Variants in TULP2 observed in about 807,000 individuals in gnomAD.
TULP2 encodes the protein TUB like protein 2, also known as tubby-related protein 2.
A neutral mutation model predicts 60.3 loss-of-function variants in TULP2; 64 were observed. That is an observed-to-expected ratio of 1.06 (90% CI 0.87 to 1.31). The LOEUF (loss-of-function observed/expected upper bound fraction) is 1.31. Ranked by LOEUF, TULP2 falls within the 50% of genes most tolerant of loss-of-function variation. The pLI is 0.00. For synonymous variants in TULP2, 267 were observed against 265.4 expected (o/e 1.01, Z -0.06); for missense variants, 652 against 667.0 (o/e 0.98, Z 0.25).
At chr19:48,884,904 C>A (rs2037165718) in intron 9 of TULP2, among the ~76,000 whole-genome samples, 1 of 143,100 alleles carries the variant, frequency 7.0e-6, no homozygotes, top group Admixed American at 7.0e-5. Flanking sequence ...CCTTTAGGAA[C>A]CCTCTTTTTT....
rs1267986965 is a variant in TULP2 at position 48,882,158 on chromosome 19, C to T, written c.1321G>A (p.Gly441Arg). ...GTTTTGTTGTGCAACAAAAGCAACC[C>T]TTGTTTGTCCCCACGTTGGTAACGA... is the stretch of plus-strand genomic sequence containing the variant. ...LSRYQRGDKQ[G>R]LLLLHNKTPS... Residue 441 changes from glycine (G) to arginine (R), a missense_variant, in exon 12 of 13, where the codon GGG becomes AGG. Transcript: ENST00000221399. 2 of 1,613,898 alleles carry T rather than the reference C, an allele frequency of 1.2e-6. No homozygotes were observed. Among genetic ancestry groups the T allele is most frequent in the East Asian group, 2.2e-5 (1 of 44,896 alleles).
chr19:48,891,292 C>T (rs1005661103), intron 6 of TULP2, among the ~76,000 whole-genome samples: 3 of 147,442 alleles, frequency 2.0e-5, no homozygotes, highest in Non-Finnish European at 4.5e-5. Context: ...CCACTGCACT[C>T]CAGCCTGGGC....
At chr19:48,894,527 G>C (rs1184726789) in intron 6 of TULP2, among the ~76,000 whole-genome samples, 1 of 152,048 alleles carries the variant, frequency 6.6e-6, no homozygotes, top group Non-Finnish European at 1.5e-5. Context: ...TGTAGTCCCA[G>C]CTACTTGGGA....
Position 48,883,953 on chromosome 19 carries a change from C to T in TULP2, c.1155G>A (p.Gln385=). 3 of 1,614,110 alleles carry T rather than the reference C, an allele frequency of 1.9e-6. No homozygotes were observed. The highest frequency in any genetic ancestry group is 1.7e-5 in the Admixed American group (1 of 60,010). The change falls in exon 10 of 13, where the codon CAG becomes CAA. Residue 385 remains glutamine, a synonymous_variant. Coordinates refer to ENST00000221399, the MANE Select transcript of TULP2 (RefSeq NM_003323.3). ...HLTRNTARIR[Q]ELGAVCYEPN... Reference sequence around the variant, plus strand: ...TCACATAACACACAGCCCCCAGCTCCTGTCTGATCCGGGCAGTATTCCTGG... The same window carrying T: ...TCACATAACACACAGCCCCCAGCTCTTGTCTGATCCGGGCAGTATTCCTGG...
rs758084379 is a variant in TULP2 at position 48,896,571 on chromosome 19, G to C, written c.85-15C>G. 23 of 1,583,596 alleles carry C rather than the reference G, an allele frequency of 1.5e-5. No individual in the cohort carries two copies. The South Asian group carries it at 2.6e-4, about 18-fold the overall frequency. ...AACAGCCGCCGCTGGGGAGATGGGA[G>C]AGGTGGGTGTCCGGGACAGGAACCA... is the stretch of plus-strand genomic sequence containing the variant. On this transcript the variant is annotated splice_polypyrimidine_tract_variant and intron_variant, in intron 3 of 12. Transcript: ENST00000221399.
chr19:48,883,301 A>G (rs2123266680), intron 11 of TULP2, among the ~76,000 whole-genome samples: 1 of 152,228 alleles, frequency 6.6e-6, no homozygotes, highest in South Asian at 2.1e-4. Context: ...CCTTTCCCAG[A>G]AAATTAATGA....
rs375492103 is a variant in TULP2, at chr19:48,881,050, C to A, written c.1524G>T (p.Pro508=). The A allele has an allele frequency of 1.2e-6, 2 of 1,613,750 alleles. No homozygotes were observed. Among genetic ancestry groups the A allele is most frequent in the African/African-American group, 2.7e-5 (2 of 74,834 alleles). ...ACAAGCAGATGCTGAAGGCCTGGAG[C>A]GGGCTAAATGGAAAGCAGAAGTCCA... ...FTMDFCFPFS[P]LQAFSICLSS... The change falls in exon 13 of 13, where the codon CCG becomes CCT. Residue 508 remains proline (P), a synonymous_variant. Coordinates refer to ENST00000221399, the MANE Select transcript of TULP2 (RefSeq NM_003323.3).
intron 6 of TULP2, among the ~76,000 whole-genome samples, chr19:48,894,743 T>C (rs2037262949): frequency 6.6e-6 from 1 of 151,040 alleles, no homozygotes; most frequent in Non-Finnish European, 1.5e-5. Context: ...TCATAGTTTA[T>C]ATGCAAATTT....
intron 5 of TULP2, 94 bp downstream of exon 5, chr19:48,895,272 G>C: frequency 6.3e-7 from 1 of 1,576,842 alleles, no homozygotes; most frequent in Non-Finnish European, 8.6e-7. Flanking sequence ...CTGAGCTCCT[G>C]AGTATTTTGG....
rs200935656 is a variant in TULP2 at position 48,881,086 on chromosome 19, G to T, written c.1488C>A (p.Asp496Glu). 1.2e-6 allele frequency: 2 copies of T among 1,613,318 alleles called. No homozygotes were observed. The highest frequency in any genetic ancestry group is 1.6e-4 in the Middle Eastern group (1 of 6,076). ...LVLQFGRVGPDTFTMDFCFPF... is the reference protein window; with the variant it reads ...LVLQFGRVGPETFTMDFCFPF... ...GAAAGCAGAAGTCCATGGTGAATGT[G>T]TCTGGGCCCACTCGGCCGAACTGGA... Residue 496 changes from aspartate (D) to glutamate (E), a missense_variant, in exon 13 of 13, where the codon GAC (aspartate) becomes GAA (glutamate). Physicochemically the swap from Asp to Glu is conservative, Grantham distance 45. Transcript: ENST00000221399.
intron 11 of TULP2, among the ~76,000 whole-genome samples, chr19:48,882,759 G>A (rs150213279): frequency 2.0e-5 from 3 of 152,194 alleles, no homozygotes; most frequent in Non-Finnish European, 4.4e-5. Flanking sequence ...AAATAAGGAA[G>A]AGGAACAGGC....
chr19:48,887,607 G>T (rs2037193325), intron 8 of TULP2, among the ~76,000 whole-genome samples: 2 of 151,860 alleles, frequency 1.3e-5, no homozygotes, highest in Non-Finnish European at 2.9e-5. Context: ...GCCTAGGCTG[G>T]AGTGCAGTGA....
intron 11 of TULP2, among the ~76,000 whole-genome samples, chr19:48,882,829 T>C (rs1223392313): frequency 2.0e-5 from 3 of 152,066 alleles, no homozygotes; most frequent in Non-Finnish European, 4.4e-5. Flanking sequence ...TTAGGGTAAA[T>C]TGTGGGAGCT....
At chr19:48,896,830 AG>A (rs2037287074) in intron 3 of TULP2, 1 of 380,698 alleles carries the variant, frequency 2.6e-6, no homozygotes, top group Admixed American at 4.4e-5. Flanking sequence ...ATTCATCACA[AG>A]GGTTTGTTTG....
chr19:48,887,486 A>G (rs1023269125), intron 8 of TULP2, among the ~76,000 whole-genome samples: 1 of 150,940 alleles, frequency 6.6e-6, no homozygotes, highest in Admixed American at 6.6e-5. Flanking sequence ...CACCATGCCC[A>G]ACCAATTTTG....
rs548667962 is a variant in TULP2 at position 48,888,166 on chromosome 19, G to T, written c.732C>A (p.Gly244=). The T allele has an allele frequency of 3.1e-6, 5 of 1,614,076 alleles. No individual in the cohort carries two copies. The highest frequency in any genetic ancestry group is 4.2e-6 in the Non-Finnish European group (5 of 1,180,040). The change falls in exon 8 of 13, where the codon GGC becomes GGA. Residue 244 remains glycine, a synonymous_variant. Coordinates refer to ENST00000221399, the MANE Select transcript of TULP2 (RefSeq NM_003323.3). The stretch of plus-strand genomic sequence containing the variant: ...TATGGTCGCTGTCCGTGCCACCCTC[G>T]CCTTTCAGGGCCTTGGACAACTCTT... ...HNEELSKALK[G]EGGTDSDHMR... is the part of the protein sequence containing the mutation.
chr19:48,885,981 A>G (rs1361059652), intron 8 of TULP2, among the ~76,000 whole-genome samples: 1 of 151,972 alleles, frequency 6.6e-6, no homozygotes, highest in Non-Finnish European at 1.5e-5. Flanking sequence ...CCCATGATAG[A>G]GGAGCCAGTG....
intron 7 of TULP2, among the ~76,000 whole-genome samples, chr19:48,889,244 G>T (rs1261796172): frequency 6.6e-6 from 1 of 152,138 alleles, no homozygotes; most frequent in African/African-American, 2.4e-5. Flanking sequence ...CCAAAGTGCT[G>T]GGATTACAGG....
intron 6 of TULP2, among the ~76,000 whole-genome samples, chr19:48,893,571 T>C (rs541504525): frequency 6.6e-6 from 1 of 152,200 alleles, no homozygotes; most frequent in Non-Finnish European, 1.5e-5. Flanking sequence ...TTTTTTTCCT[T>C]GAGACAAAGT....
Sources: gnomAD v4.1 joint callset for allele counts (sites outside exome capture counted in the v4.1 genomes callset) on GRCh38, gnomAD v4.1.1 for gene constraint, MANE v1.5 for transcripts, NCBI Gene and HGNC (gene_info 2026-07-23, HGNC 2026-07-21) for gene names.